Variants in CFAP221 observed in about 807,000 individuals in gnomAD.
CFAP221 encodes the protein cilia and flagella associated protein 221.
In CFAP221, 97 loss-of-function variants were observed where a neutral mutation model predicts 113.1. The ratio of observed to expected loss-of-function variants is 0.86; its 90% CI spans 0.73 to 1.02. The LOEUF (loss-of-function observed/expected upper bound fraction) is 1.02, where lower values mean the gene tolerates loss of function less well. Among genes scored for constraint, CFAP221 ranks in the 50% least tolerant of loss-of-function variants. The pLI is 0.00. For missense variants in CFAP221, 1,025 were observed against 1,013.4 expected (o/e 1.01, Z -0.16); for synonymous variants, 331 against 354.4 (o/e 0.93, Z 0.74).
intron 14 of CFAP221, among the ~76,000 whole-genome samples, chr2:119,619,989 CAG>C (rs1446584041): frequency 6.6e-6 from 1 of 151,990 alleles, no homozygotes; most frequent in African/African-American, 2.4e-5. Context: ...GAAAGGATAT[CAG>C]AGATTGAAGA....
intron 8 of CFAP221, among the ~76,000 whole-genome samples, chr2:119,604,397 G>A (rs534300738): frequency 6.6e-6 from 1 of 151,966 alleles, no homozygotes; most frequent in African/African-American, 2.4e-5. Context: ...TCATGCCACT[G>A]CATTCCAGCC....
chr2:119,575,033 C>T (rs1682339846), intron 6 of CFAP221, among the ~76,000 whole-genome samples: 1 of 152,120 alleles, frequency 6.6e-6, no homozygotes, highest in Non-Finnish European at 1.5e-5. Flanking sequence ...GCTGGGGATC[C>T]TGCCGGCTGT....
At chr2:119,583,242 G>T (rs1218140292) in intron 6 of CFAP221, among the ~76,000 whole-genome samples, 1 of 152,044 alleles carries the variant, frequency 6.6e-6, no homozygotes, top group African/African-American at 2.4e-5. Flanking sequence ...ATCATTCTTA[G>T]TGGTAAAAAA....
chr2:119,593,428 C>T (rs1683732680), intron 7 of CFAP221, among the ~76,000 whole-genome samples: 1 of 152,168 alleles, frequency 6.6e-6, no homozygotes, highest in Admixed American at 6.5e-5. Context: ...CTGGCATCTG[C>T]TCCTAGTGAG....
intron 5 of CFAP221, among the ~76,000 whole-genome samples, chr2:119,561,017 G>A (rs1170639478): frequency 2.6e-5 from 4 of 151,876 alleles, no homozygotes. Context: ...GGCCAGGCGC[G>A]ATGGCTCATG....
chr2:119,653,689 G>T (rs923841381), intron 23 of CFAP221, among the ~76,000 whole-genome samples: 4 of 152,060 alleles, frequency 2.6e-5, no homozygotes, highest in East Asian at 1.9e-4. Context: ...AGATCAATGC[G>T]CATTTTAAGG....
chr2:119,610,950 G>A (rs985475393), intron 12 of CFAP221, among the ~76,000 whole-genome samples: 1 of 152,092 alleles, frequency 6.6e-6, no homozygotes, highest in African/African-American at 2.4e-5. Context: ...AGGAGTCACT[G>A]TTGGCTCCTG....
intron 14 of CFAP221, among the ~76,000 whole-genome samples, chr2:119,624,697 A>G (rs925140909): frequency 1.3e-5 from 2 of 152,256 alleles, no homozygotes; most frequent in African/African-American, 4.8e-5. Flanking sequence ...GCCATAAGAA[A>G]GGATGAGTTC....
chr2:119,611,520 T>C, intron 12 of CFAP221, 133 bp from the exon 13 acceptor site: 1 of 664,094 alleles, frequency 1.5e-6, no homozygotes, highest in Admixed American at 3.0e-5. Flanking sequence ...TACCCACTTG[T>C]GTTTCACCAC....
intron 6 of CFAP221, among the ~76,000 whole-genome samples, chr2:119,581,504 A>G (rs1682841752): frequency 6.6e-6 from 1 of 152,224 alleles, no homozygotes; most frequent in Non-Finnish European, 1.5e-5. Context: ...GAAGATAGTA[A>G]TAATACAGGA....
rs1453721683 is a variant in CFAP221 at position 119,656,509 on chromosome 2, TG to T, written c.*42del. 13 of 1,410,174 alleles carry T rather than the reference TG, an allele frequency of 9.2e-6. No individual in the cohort carries two copies. The Admixed American group carries it at 1.9e-4, about 21-fold the overall frequency. The allele number at this position is 1,410,174 out of a possible 1,614,324, so 87.4% of individuals were successfully genotyped here. A position where few individuals can be genotyped will look rare whatever the true frequency, so the allele number is the denominator to read the frequency against. ...GTCAGTCCCTTCCATTTGCTTTCCG[TG>T]GGCCACTGTGGCCCCTTGCGTCCAT... On this transcript the variant is annotated 3_prime_UTR_variant, in exon 24 of 24. Coordinates refer to ENST00000413369, the MANE Select transcript of CFAP221 (RefSeq NM_001271049.2).
At chr2:119,606,327 T>C (rs1684759546) in intron 11 of CFAP221, among the ~76,000 whole-genome samples, 1 of 151,936 alleles carries the variant, frequency 6.6e-6, no homozygotes, top group Non-Finnish European at 1.5e-5. Context: ...AAAAAGAGAC[T>C]CTTGGAGAGT....
chr2:119,571,211 G>A (rs1682026103), intron 6 of CFAP221, among the ~76,000 whole-genome samples: 2 of 146,758 alleles, frequency 1.4e-5, no homozygotes, highest in Admixed American at 7.0e-5. Flanking sequence ...TGCAATCTCG[G>A]CTCACTCAAC....
chr2:119,601,316 T>C lies in CFAP221; in HGVS notation c.730T>C (p.Phe244Leu), dbSNP rs1351289245. 2 of 1,535,858 alleles carry C rather than the reference T, an allele frequency of 1.3e-6. No individual in the cohort carries two copies. The highest frequency in any genetic ancestry group is 3.9e-5 in the Admixed American group (2 of 50,984). The stretch of plus-strand genomic sequence containing the variant: ...AAAAATGCAGTTATGGATTTCGCAG[T>C]TCAACTCTCAACCATACGAATGTGT... ...QIKMQLWISQ[F>L]NSQPYECVFT... is the part of the protein sequence containing the mutation. The change falls in exon 8 of 24, where the codon TTC becomes CTC. Residue 244 changes from phenylalanine (F) to leucine (L), a missense_variant. Physicochemically the swap from Phe to Leu is conservative, Grantham distance 22 (BLOSUM62 0). Transcript: ENST00000413369.
chr2:119,643,057 T>C (rs1171780149), intron 21 of CFAP221, among the ~76,000 whole-genome samples: 1 of 152,040 alleles, frequency 6.6e-6, no homozygotes, highest in African/African-American at 2.4e-5. Context: ...TCCCAAAGTG[T>C]TGGGATTACA....
intron 2 of CFAP221, among the ~76,000 whole-genome samples, chr2:119,547,051 G>T (rs1274978901): frequency 6.6e-6 from 1 of 152,152 alleles, no homozygotes; most frequent in Admixed American, 6.5e-5. Context: ...AGAGCCCTGG[G>T]TCTAGCTCTT....
Position 119,601,384 on chromosome 2 carries a change from C to T in CFAP221, c.791+7C>T, listed in dbSNP as rs1054805283. ...ATCCCAACATGGCCTTACCGTATGG[C>T]GTCTTTGCAGTGTTTTTGTTTATTT... On this transcript the variant is annotated splice_region_variant and intron_variant, in intron 8 of 23. Transcript: ENST00000413369. 59 of 1,501,848 alleles carry T rather than the reference C, an allele frequency of 3.9e-5. No homozygotes were observed. In the African/African-American group the frequency reaches 5.5e-4, roughly 14 times the overall value. The allele number at this position is 1,501,848 out of a possible 1,614,324, so 93.0% of individuals were successfully genotyped here.
At chr2:119,592,967 C>T (rs1683698369) in intron 7 of CFAP221, among the ~76,000 whole-genome samples, 1 of 152,150 alleles carries the variant, frequency 6.6e-6, no homozygotes, top group South Asian at 2.1e-4. Flanking sequence ...TTTTTGTCCC[C>T]TGGAAAATGG....
At chr2:119,547,700 A>G (rs933724378) in intron 2 of CFAP221, among the ~76,000 whole-genome samples, 1 of 152,196 alleles carries the variant, frequency 6.6e-6, no homozygotes, top group African/African-American at 2.4e-5. Context: ...GCCTTAACCC[A>G]TTGTAGCTGT....
Sources: gnomAD v4.1 joint callset for allele counts (sites outside exome capture counted in the v4.1 genomes callset) on GRCh38, gnomAD v4.1.1 for gene constraint, MANE v1.5 for transcripts, NCBI Gene and HGNC (gene_info 2026-07-23, HGNC 2026-07-21) for gene names.